Variants in DIP2B observed in about 807,000 individuals in gnomAD.
The protein encoded by DIP2B is DIP2 acetate--CoA ligase B (putative).
Under a neutral mutation model 198.0 loss-of-function variants are expected in DIP2B, and 76 were observed. That is an observed-to-expected ratio of 0.38 (90% CI 0.32 to 0.46). The LOEUF is 0.46. Among genes scored for constraint, DIP2B ranks in the 20% least tolerant of loss-of-function variants. The pLI is 0.99. For missense variants in DIP2B, 1,559 were observed against 1,978.4 expected (o/e 0.79, Z 4.02); for synonymous variants, 701 against 739.1 (o/e 0.95, Z 0.84).
At chr12:50,612,430 CTTT>C (rs34710255) in intron 1 of DIP2B, among the ~76,000 whole-genome samples, 3 of 136,766 alleles carry the variant, frequency 2.2e-5, no homozygotes, top group Admixed American at 7.5e-5. Context: ...TTCATAATAA[CTTT>C]TTTTTTTTTT....
At chr12:50,595,300 T>A (rs554071387) in intron 1 of DIP2B, among the ~76,000 whole-genome samples, 6 of 152,318 alleles carry the variant, frequency 3.9e-5, no homozygotes, top group East Asian at 3.9e-4. Context: ...TTTCATTTTT[T>A]AAAAATTTAT....
intron 1 of DIP2B, among the ~76,000 whole-genome samples, chr12:50,549,256 CAA>C (rs1958404870): frequency 6.6e-6 from 1 of 151,532 alleles, no homozygotes; most frequent in Admixed American, 6.6e-5. Flanking sequence ...ATCACAAGGT[CAA>C]GAGATCAAGA....
intron 9 of DIP2B, among the ~76,000 whole-genome samples, 154 bp downstream of exon 9, chr12:50,680,917 G>A (rs1939029668): frequency 6.6e-6 from 1 of 152,268 alleles, no homozygotes; most frequent in East Asian, 1.9e-4. Flanking sequence ...ACGCAGGTTA[G>A]CCCAATGCCA....
rs1023339350 is a variant in DIP2B, at chr12:50,681,257, C to A, written c.1206+494C>A. Among the ~76,000 whole-genome samples the A allele has an allele frequency of 5.3e-5, 8 of 152,014 alleles. No individual in the cohort carries two copies. The South Asian group carries it at 1.5e-3, about 28-fold the overall frequency. Reference sequence around the variant, plus strand: ...ACCAGCCTGGGCAACATAGTGAGACCCCATCTCTACAAACAATTTTTTTTT... The same window carrying A: ...ACCAGCCTGGGCAACATAGTGAGACACCATCTCTACAAACAATTTTTTTTT... On this transcript the variant is annotated intron_variant, in intron 9 of 37. Transcript: ENST00000301180.
intron 3 of DIP2B, among the ~76,000 whole-genome samples, chr12:50,651,397 G>A (rs986865794): frequency 1.3e-5 from 2 of 152,148 alleles, no homozygotes; most frequent in African/African-American, 4.8e-5. Flanking sequence ...TCAATAAATT[G>A]TTGTCAAATC....
At chr12:50,554,338 A>G (rs1008357400) in intron 1 of DIP2B, among the ~76,000 whole-genome samples, 6 of 152,088 alleles carry the variant, frequency 3.9e-5, no homozygotes, top group African/African-American at 1.5e-4. Context: ...AGTTATGACT[A>G]TGTAAATGCT....
At chr12:50,730,875 A>C (rs1228948855) in intron 30 of DIP2B, among the ~76,000 whole-genome samples, 1 of 151,944 alleles carries the variant, frequency 6.6e-6, no homozygotes, top group Non-Finnish European at 1.5e-5. Flanking sequence ...CCACTCCCCT[A>C]CCCTGGCTTA....
At chr12:50,584,375 A>G (rs1303102459) in intron 1 of DIP2B, among the ~76,000 whole-genome samples, 1 of 151,674 alleles carries the variant, frequency 6.6e-6, no homozygotes, top group African/African-American at 2.4e-5. Flanking sequence ...TATCAGTTTC[A>G]CCTCAGTACA....
At chr12:50,547,646 A>C (rs1384160531) in intron 1 of DIP2B, among the ~76,000 whole-genome samples, 1 of 152,214 alleles carries the variant, frequency 6.6e-6, no homozygotes, top group Non-Finnish European at 1.5e-5. Context: ...GTGAACCTAA[A>C]ACTGCTAAAA....
intron 1 of DIP2B, among the ~76,000 whole-genome samples, chr12:50,534,644 G>A (rs1193348322): frequency 5.3e-5 from 8 of 152,020 alleles, no homozygotes. Context: ...GATTACAGGC[G>A]TGAGCCACCA....
At position 50,699,204 on chromosome 12, in the gene DIP2B, T is replaced by A; in HGVS notation, c.2325+2T>A. ...GGTGTGACAAAAAATACATTTGAGG[T>A]ACATGATATTAACATTTCACAGGGA... On this transcript the variant is annotated splice_donor_variant, in intron 19 of 37. Transcript: ENST00000301180. LOFTEE classifies it high-confidence loss of function. 1 of 1,613,984 alleles carries A rather than the reference T, an allele frequency of 6.2e-7. No homozygotes were observed.
chr12:50,702,369 G>C (rs1010820536), intron 19 of DIP2B, among the ~76,000 whole-genome samples: 1 of 150,898 alleles, frequency 6.6e-6, no homozygotes, highest in Non-Finnish European at 1.5e-5. Flanking sequence ...TTCAAGACCA[G>C]CCTGGCCAAC....
chr12:50,671,554 A>G (rs539365785), intron 5 of DIP2B, among the ~76,000 whole-genome samples, 156 bp downstream of exon 5: 1 of 152,350 alleles, frequency 6.6e-6, no homozygotes, highest in East Asian at 1.9e-4. Flanking sequence ...TGGAAACACC[A>G]GCAATACATT....
chr12:50,691,636 A>G (rs1048464032), intron 13 of DIP2B, among the ~76,000 whole-genome samples: 4 of 152,236 alleles, frequency 2.6e-5, no homozygotes, highest in African/African-American at 9.6e-5. Flanking sequence ...TTCCCTTTAT[A>G]AAATGAAACA....
chr12:50,653,728 CT>C (rs202013310), intron 3 of DIP2B, among the ~76,000 whole-genome samples: 21 of 151,242 alleles, frequency 1.4e-4, no homozygotes, highest in Admixed American at 8.6e-4. Context: ...TTTGAATCTT[CT>C]TTTTTTTTCT....
At chr12:50,542,573 G>T (rs1173898626) in intron 1 of DIP2B, among the ~76,000 whole-genome samples, 1 of 152,150 alleles carries the variant, frequency 6.6e-6, no homozygotes, top group African/African-American at 2.4e-5. Flanking sequence ...AGATGTAAAT[G>T]ATCTTATTAT....
intron 1 of DIP2B, among the ~76,000 whole-genome samples, chr12:50,559,644 G>T (rs1565824344): frequency 1.3e-5 from 2 of 150,832 alleles, no homozygotes; most frequent in East Asian, 3.9e-4. Context: ...AAGGTGGTAG[G>T]ATCACTTCAG....
At chr12:50,709,975 A>G (rs1397762302) in intron 22 of DIP2B, among the ~76,000 whole-genome samples, 2 of 152,158 alleles carry the variant, frequency 1.3e-5, no homozygotes, top group Non-Finnish European at 2.9e-5. Flanking sequence ...GCAAAAACCC[A>G]TCTCTCAAAA....
chr12:50,542,184 C>T (rs1958332090), intron 1 of DIP2B, among the ~76,000 whole-genome samples: 1 of 139,962 alleles, frequency 7.1e-6, no homozygotes, highest in Admixed American at 7.6e-5. Flanking sequence ...GGAGGCAGAG[C>T]TTGCAGTGAG....
Sources: allele counts gnomAD v4.1 joint callset (sites outside exome capture counted in the v4.1 genomes callset), GRCh38; gene constraint gnomAD v4.1.1; transcripts MANE v1.5; gene names NCBI Gene and HGNC (gene_info 2026-07-23, HGNC 2026-07-21).